EIF3B: variants seen among roughly 807,000 people sequenced by gnomAD.
EIF3B encodes eukaryotic translation initiation factor 3 subunit 9.
In EIF3B, 10 loss-of-function variants were observed where a neutral mutation model predicts 104.6. The ratio of observed to expected loss-of-function variants is 0.10; its 90% CI spans 0.06 to 0.16. The LOEUF (loss-of-function observed/expected upper bound fraction) is 0.16, where lower values mean the gene tolerates loss of function less well. Among genes scored for constraint, EIF3B ranks in the 10% least tolerant of loss-of-function variants. The pLI is 1.00. For synonymous variants in EIF3B, 542 were observed against 417.2 expected (o/e 1.30, Z -3.65); for missense variants, 1,014 against 1,087.9 (o/e 0.93, Z 0.96).
At position 2,354,827 on chromosome 7, in the gene EIF3B, ATGGCTGGGCT is replaced by A. The variant is rs1779292760; in HGVS notation, c.-94_-85del. ...GGTGCGGCCTCCCCGTCGCACGCAC[ATGGCTGGGCT>A]GTAGCCGTCGCGGCGCGCGGTGCGG... On this transcript the variant is annotated 5_prime_UTR_variant, in exon 1 of 19. An upstream start codon of the reference 5' UTR is lost. Coordinates refer to ENST00000360876, the MANE Select transcript of EIF3B (RefSeq NM_001037283.2). 6 of 1,024,692 alleles carry A rather than the reference ATGGCTGGGCT, an allele frequency of 5.9e-6. No individual in the cohort carries two copies. Among genetic ancestry groups the A allele is most frequent in the Non-Finnish European group, 7.0e-6 (6 of 854,616 alleles). 63.5% of individuals were successfully genotyped at this position (1,024,692 alleles called of 1,614,324 possible).
chr7:2,375,754 G>T (rs1163854937), intron 14 of EIF3B, among the ~76,000 whole-genome samples: 1 of 152,190 alleles, frequency 6.6e-6, no homozygotes, highest in Non-Finnish European at 1.5e-5. Context: ...GAGGTGGGGG[G>T]TCTTACCCTG....
chr7:2,364,555 A>T (rs369813922), intron 6 of EIF3B, 26 bp downstream of exon 6: 17 of 1,598,382 alleles, frequency 1.1e-5, no homozygotes, highest in Non-Finnish European at 1.3e-5. Flanking sequence ...AACACAGGGG[A>T]GTCTATGCAT....
At chr7:2,378,926 G>A in intron 16 of EIF3B, 160 bp downstream of exon 16, 1 of 774,276 alleles carries the variant, frequency 1.3e-6, no homozygotes, top group Non-Finnish European at 2.1e-6. Context: ...AACTGGGGTT[G>A]GCACGGGGAC....
chr7:2,378,224 G>C (rs1309763671), intron 15 of EIF3B: 2 of 156,592 alleles, frequency 1.3e-5, no homozygotes. Flanking sequence ...GAATGACCCT[G>C]GGTGTCGAGG....
chr7:2,378,570 C>T lies in EIF3B; in HGVS notation c.2155-119C>T, dbSNP rs1780818631. On this transcript the variant is annotated intron_variant, in intron 15 of 18. Coordinates refer to ENST00000360876, the MANE Select transcript of EIF3B (RefSeq NM_001037283.2). ...TGGAGAAAGGAGCATGCGAGCGCTC[C>T]TGGGAAGCTGTGTTCTGTGAATGGC... The T allele has an allele frequency of 1.5e-5, 13 of 838,898 alleles. No individual in the cohort carries two copies. The South Asian group carries it at 2.1e-4, about 13-fold the overall frequency. The allele number at this position is 838,898 out of a possible 1,614,324, so 52.0% of individuals were successfully genotyped here. A position where few individuals can be genotyped will look rare whatever the true frequency, so the allele number is the denominator to read the frequency against.
At position 2,355,036 on chromosome 7, in the gene EIF3B, G is replaced by A. The variant is rs1779315850; in HGVS notation, c.115G>A (p.Gly39Arg). 1 of 1,201,134 alleles carries A rather than the reference G, an allele frequency of 8.3e-7. No homozygotes were observed. The highest frequency in any genetic ancestry group is 1.6e-5 in the African/African-American group (1 of 62,918). 74.4% of individuals were successfully genotyped at this position (1,201,134 alleles called of 1,614,324 possible). The part of the protein sequence containing the change: ...PPAEGLLRPA[G>R]PGAPEAAGTE... ...AGCCGAGGGGCTGCTGCGGCCCGCG[G>A]GGCCCGGCGCTCCGGAGGCCGCGGG... The change falls in exon 1 of 19, where the codon GGG becomes AGG. Residue 39 changes from glycine to arginine, a missense_variant. Physicochemically the swap from Gly to Arg is moderately radical, Grantham distance 125. Coordinates refer to ENST00000360876, the MANE Select transcript of EIF3B (RefSeq NM_001037283.2).
At chr7:2,369,362 G>T (rs1263964787) in intron 9 of EIF3B, 110 bp from the exon 10 acceptor site, 2 of 1,179,624 alleles carry the variant, frequency 1.7e-6, no homozygotes, top group African/African-American at 3.0e-5. Context: ...AGCGTCAGCT[G>T]TGACAGCATT....
chr7:2,377,089 C>G lies in EIF3B; in HGVS notation c.2154+14C>G, dbSNP rs1370830788. On this transcript the variant is annotated intron_variant, in intron 15 of 18. Coordinates refer to ENST00000360876, the MANE Select transcript of EIF3B (RefSeq NM_001037283.2). The stretch of plus-strand genomic sequence containing the variant: ...GAACAGATCAAGGTCAGCATGCCCC[C>G]ACCCCCGGGTGCAGGGCACATGGAG... 1.3e-6 allele frequency: 2 copies of G among 1,599,642 alleles called. No homozygotes were observed. Among genetic ancestry groups the G allele is most frequent in the Admixed American group, 3.4e-5 (2 of 59,224 alleles).
At chr7:2,360,297 C>A (rs1157458879) in intron 1 of EIF3B, among the ~76,000 whole-genome samples, 1 of 152,182 alleles carries the variant, frequency 6.6e-6, no homozygotes, top group Non-Finnish European at 1.5e-5. Flanking sequence ...AGTCAGTTTT[C>A]ATTGACATTG....
chr7:2,371,877 C>G, intron 11 of EIF3B, 28 bp downstream of exon 11: 1 of 1,560,274 alleles, frequency 6.4e-7, no homozygotes, highest in East Asian at 2.2e-5. Flanking sequence ...CACTTTGAGG[C>G]GAATGGGGCC....
chr7:2,377,412 C>T (rs886368838), intron 15 of EIF3B, among the ~76,000 whole-genome samples: 9 of 152,200 alleles, frequency 5.9e-5, no homozygotes, highest in Non-Finnish European at 1.2e-4. Context: ...GGTCTTAGGT[C>T]AGAGCAAAGA....
At chr7:2,369,979 G>T (rs1780237246) in intron 10 of EIF3B, among the ~76,000 whole-genome samples, 1 of 151,786 alleles carries the variant, frequency 6.6e-6, no homozygotes. Context: ...GTTTCACCAT[G>T]TTGGCCAGGC....
intron 14 of EIF3B, 196 bp from the exon 15 acceptor site, chr7:2,376,754 C>T (rs537179559): frequency 5.6e-5 from 38 of 684,378 alleles, no homozygotes; most frequent in African/African-American, 3.4e-4. Flanking sequence ...CTCCGTGCCC[C>T]GCACTCCGGG....
chr7:2,369,945 T>A (rs1477746099), intron 10 of EIF3B, among the ~76,000 whole-genome samples: 1 of 151,618 alleles, frequency 6.6e-6, no homozygotes, highest in Non-Finnish European at 1.5e-5. Context: ...CTTGGCTAAT[T>A]TTTGTATTTT....
Position 2,362,796 on chromosome 7 carries a change from C to G in EIF3B, c.812+32C>G, listed in dbSNP as rs553946799. 1.9e-6 allele frequency: 3 copies of G among 1,613,166 alleles called. No individual in the cohort carries two copies. In the East Asian group the frequency reaches 6.7e-5, roughly 36 times the overall value. ...TCAGACTTGGCCACAAGGAAGTGGA[C>G]GTTGACGTGCAAGTGACTGGCTGTG... On this transcript the variant is annotated intron_variant, in intron 3 of 18. Coordinates refer to ENST00000360876, the MANE Select transcript of EIF3B (RefSeq NM_001037283.2).
intron 1 of EIF3B, among the ~76,000 whole-genome samples, chr7:2,357,743 G>A (rs1779527419): frequency 6.6e-6 from 1 of 152,222 alleles, no homozygotes; most frequent in African/African-American, 2.4e-5. Context: ...TGGGCTGAGA[G>A]TGATCAAGGC....
chr7:2,378,804 A>G (rs748016749), intron 16 of EIF3B, 38 bp downstream of exon 16: 1 of 1,569,288 alleles, frequency 6.4e-7, no homozygotes, highest in Non-Finnish European at 8.8e-7. Context: ...GTGCTGTGAC[A>G]TCCGCCATCA....
chr7:2,372,883 T>A, intron 12 of EIF3B, 88 bp downstream of exon 12: 1 of 1,463,652 alleles, frequency 6.8e-7, no homozygotes, highest in South Asian at 1.4e-5. Flanking sequence ...TTGACTGGCC[T>A]AGGACCACTG....
chr7:2,355,414 G>A lies in EIF3B; in HGVS notation c.493G>A (p.Glu165Lys), dbSNP rs1233751415. The A allele has an allele frequency of 1.4e-6, 2 of 1,457,762 alleles. No homozygotes were observed. The highest frequency in any genetic ancestry group is 9.1e-7 in the Non-Finnish European group (1 of 1,104,362). The allele number at this position is 1,457,762 out of a possible 1,614,324, so 90.3% of individuals were successfully genotyped here. A position where few individuals can be genotyped will look rare whatever the true frequency, so the allele number is the denominator to read the frequency against. The change falls in exon 1 of 19, where the codon GAG becomes AAG. Residue 165 changes from glutamate to lysine, a missense_variant. Around this residue, in one of 4 missense-constraint regions of EIF3B, gnomAD observed 488 missense variants for 404.3 expected, o/e 1.21. Transcript: ENST00000360876. ...DPEDFVDDVSEEELLGDVLKD... is the reference protein window; with the variant it reads ...DPEDFVDDVSKEELLGDVLKD... The stretch of plus-strand genomic sequence containing the variant: ...CGAGGACTTCGTGGACGACGTGAGC[G>A]AGGAAGGTGAGGGCGCCCGGGGCGG...
Sources: gnomAD v4.1 joint callset for allele counts (sites outside exome capture counted in the v4.1 genomes callset) on GRCh38, gnomAD v4.1.1 for gene constraint, gnomAD v4.1.1 regional missense constraint, MANE v1.5 for transcripts, NCBI Gene and HGNC (gene_info 2026-07-23, HGNC 2026-07-21) for gene names.